The following RGL1 variants were observed in gnomAD, a reference collection of about 807,000 sequenced individuals.
RGL1 encodes the protein ral guanine nucleotide dissociation stimulator like 1.
In RGL1, 24 loss-of-function variants were observed where a neutral mutation model predicts 95.2. The ratio of observed to expected loss-of-function variants is 0.25; its 90% CI spans 0.18 to 0.35. The LOEUF (loss-of-function observed/expected upper bound fraction) is 0.35, where lower values mean the gene tolerates loss of function less well. Among genes scored for constraint, RGL1 ranks in the 10% least tolerant of loss-of-function variants. The probability of loss-of-function intolerance (pLI) is 1.00; values close to 1 mark genes in which losing one functional copy is unlikely to be tolerated. For missense variants in RGL1, 715 were observed against 936.3 expected (o/e 0.76, Z 3.08); for synonymous variants, 329 against 344.9 (o/e 0.95, Z 0.51).
chr1:183,895,558 G>A (rs745972149), intron 9 of RGL1, among the ~76,000 whole-genome samples: 1 of 152,052 alleles, frequency 6.6e-6, no homozygotes, highest in Non-Finnish European at 1.5e-5. Flanking sequence ...GAAAACAAGA[G>A]GATAACTTTG....
intron 16 of RGL1, among the ~76,000 whole-genome samples, chr1:183,917,810 C>T (rs562394996): frequency 2.0e-4 from 30 of 152,272 alleles, no homozygotes; most frequent in East Asian, 7.7e-4. Context: ...GTGTTAATCC[C>T]GCAGGCAATA....
At chr1:183,857,518 G>A (rs900547578) in intron 3 of RGL1, among the ~76,000 whole-genome samples, 7 of 152,182 alleles carry the variant, frequency 4.6e-5, no homozygotes, top group Non-Finnish European at 1.0e-4. Context: ...GATGTTGAAG[G>A]TCGGTGTCCA....
At chr1:183,750,864 C>T (rs940450916) in intron 2 of RGL1, among the ~76,000 whole-genome samples, 1 of 152,234 alleles carries the variant, frequency 6.6e-6, no homozygotes, top group Non-Finnish European at 1.5e-5. Flanking sequence ...ACTCTAGACT[C>T]TGTTTGTCTG....
chr1:183,863,594 G>A (rs1445021605), intron 3 of RGL1, among the ~76,000 whole-genome samples: 1 of 152,166 alleles, frequency 6.6e-6, no homozygotes, highest in African/African-American at 2.4e-5. Flanking sequence ...GGTTACACTT[G>A]ATTTACACTA....
At chr1:183,680,575 T>C (rs1174682) in intron 1 of RGL1, among the ~76,000 whole-genome samples, 45,878 of 152,062 alleles carry the variant, frequency 0.3, 7,315 homozygotes, top group Middle Eastern at 0.38. Context: ...TTTTGGTTAC[T>C]ATAGCCTTGT....
intron 1 of RGL1, among the ~76,000 whole-genome samples, chr1:183,687,375 T>C (rs765370154): frequency 6.6e-6 from 1 of 152,202 alleles, no homozygotes; most frequent in Non-Finnish European, 1.5e-5. Flanking sequence ...TGTTCAGTAG[T>C]TGGGAATTCA....
At position 183,877,514 on chromosome 1, in the gene RGL1, A is replaced by G. The variant is rs529594780; in HGVS notation, c.426-3102A>G. ...CACAAAGCTACTGTGAGCCTTGGGC[A>G]TGTGTCCAGGCCTTTCCAGAAAGCT... On this transcript the variant is annotated intron_variant, in intron 4 of 17. Transcript: ENST00000360851. Among the ~76,000 whole-genome samples, 334 of 152,346 alleles carry G rather than the reference A, an allele frequency of 2.2e-3. 1 individual carries two copies. The highest frequency in any genetic ancestry group is 0.011 in the Admixed American group (163 of 15,302).
At chr1:183,636,119 G>T in exon 1 of RGL1, 1 of 399,478 alleles carries the variant, frequency 2.5e-6, no homozygotes, top group Non-Finnish European at 4.4e-6. Context: ...AGATTGGCGG[G>T]GATGGGCAGC....
rs769070124 is a variant in RGL1, at chr1:183,856,638, TTA to T, written c.347+8878_347+8879del. 8.8e-5 allele frequency among the ~76,000 whole-genome samples: 13 copies of T among 147,658 alleles called. No homozygotes were observed. The South Asian group carries it at 1.1e-3, about 12-fold the overall frequency. On this transcript the variant is annotated intron_variant, in intron 3 of 17. Coordinates refer to ENST00000360851, the MANE Select transcript of RGL1 (RefSeq NM_001297671.3). The stretch of plus-strand genomic sequence containing the variant: ...TCTCCCTGTAAATATATATATATTT[TTA>T]TATATATATATATGTTAAGGTGTTT...
At chr1:183,644,991 C>T (rs1034597527) in intron 1 of RGL1, among the ~76,000 whole-genome samples, 1 of 152,124 alleles carries the variant, frequency 6.6e-6, no homozygotes, top group African/African-American at 2.4e-5. Flanking sequence ...AAACATTGTC[C>T]AGGAATGAGA....
At chr1:183,656,849 T>C (rs754407069) in intron 1 of RGL1, among the ~76,000 whole-genome samples, 3 of 152,220 alleles carry the variant, frequency 2.0e-5, no homozygotes, top group Non-Finnish European at 4.4e-5. Flanking sequence ...GTTAAACTAA[T>C]TGTGAAAATA....
chr1:183,811,485 A>G (rs1249641880), intron 2 of RGL1, among the ~76,000 whole-genome samples: 1 of 152,222 alleles, frequency 6.6e-6, no homozygotes, highest in African/African-American at 2.4e-5. Flanking sequence ...GTCTATTGGA[A>G]TGTTTAATTT....
At chr1:183,706,698 G>T (rs1654935162) in intron 1 of RGL1, among the ~76,000 whole-genome samples, 1 of 36,510 alleles carries the variant, frequency 2.7e-5, no homozygotes, top group Non-Finnish European at 5.0e-5. Flanking sequence ...GGAGGCTTCT[G>T]TGTGGAGCTG....
chr1:183,679,129 C>G (rs552869916), intron 1 of RGL1, among the ~76,000 whole-genome samples: 1 of 152,278 alleles, frequency 6.6e-6, no homozygotes, highest in African/African-American at 2.4e-5. Context: ...TTCAGCAGAG[C>G]CTAAAACTTA....
intron 1 of RGL1, among the ~76,000 whole-genome samples, chr1:183,690,849 G>A (rs1653903668): frequency 6.6e-6 from 1 of 151,960 alleles, no homozygotes; most frequent in African/African-American, 2.4e-5. Flanking sequence ...TAGCATATTT[G>A]AAGTTTATGA....
At chr1:183,641,965 T>G (rs1649954417) in intron 1 of RGL1, among the ~76,000 whole-genome samples, 1 of 152,244 alleles carries the variant, frequency 6.6e-6, no homozygotes, top group Admixed American at 6.5e-5. Flanking sequence ...ATAATTATTT[T>G]AGTATCTTCC....
intron 1 of RGL1, among the ~76,000 whole-genome samples, chr1:183,705,365 C>T (rs1654848100): frequency 2.0e-5 from 3 of 152,068 alleles, no homozygotes; most frequent in Admixed American, 6.5e-5. Flanking sequence ...CTGATGCCCC[C>T]ATTCTGCCAA....
chr1:183,884,911 C>G lies in RGL1; in HGVS notation c.924C>G (p.Ile308Met), dbSNP rs747921160. 1 of 1,614,060 alleles carries G rather than the reference C, an allele frequency of 6.2e-7. No homozygotes were observed. The highest frequency in any genetic ancestry group is 1.7e-5 in the Admixed American group (1 of 60,020). ...TCAAAACTCAGCAGAGAGCCAAAAT[C>G]ATTGAGAAGTGGATCAACATCGCTC... Reference protein sequence around the residue: ...KELKTQQRAKIIEKWINIAHE... With the variant: ...KELKTQQRAKMIEKWINIAHE... The change falls in exon 7 of 18, where the codon ATC (isoleucine) becomes ATG (methionine). Residue 308 changes from isoleucine to methionine, a missense_variant. Around this residue, in one of 3 missense-constraint regions of RGL1, gnomAD observed 381 missense variants for 484.8 expected, o/e 0.79. Coordinates refer to ENST00000360851, the MANE Select transcript of RGL1 (RefSeq NM_001297671.3).
chr1:183,694,409 A>G (rs1654138783), intron 1 of RGL1, among the ~76,000 whole-genome samples: 1 of 152,234 alleles, frequency 6.6e-6, no homozygotes, highest in Admixed American at 6.5e-5. Flanking sequence ...TACATTAAAC[A>G]TTGATGACCA....
Sources: gnomAD v4.1 joint callset for allele counts (sites outside exome capture counted in the v4.1 genomes callset) on GRCh38, gnomAD v4.1.1 for gene constraint, gnomAD v4.1.1 regional missense constraint, MANE v1.5 for transcripts, NCBI Gene and HGNC (gene_info 2026-07-23, HGNC 2026-07-21) for gene names.